Variants in BPHL observed in about 807,000 individuals in gnomAD.
BPHL encodes biphenyl hydrolase like.
BPHL carries 27 observed loss-of-function variants against 31.2 expected under a neutral mutation model. That is an observed-to-expected ratio of 0.87 (90% CI 0.64 to 1.19). BPHL has a LOEUF of 1.19. Ranked by LOEUF, BPHL falls within the 50% of genes most tolerant of loss-of-function variation. BPHL has a pLI of 0.00. For missense variants in BPHL, 356 were observed against 375.7 expected (o/e 0.95, Z 0.43); for synonymous variants, 150 against 146.8 (o/e 1.02, Z -0.16).
intron 3 of BPHL, among the ~76,000 whole-genome samples, chr6:3,128,029 C>G (rs1761766980): frequency 6.6e-6 from 1 of 152,136 alleles, no homozygotes; most frequent in South Asian, 2.1e-4. Flanking sequence ...TCGCATTAGT[C>G]CGGATGGTCT....
chr6:3,130,877 G>T (rs1761852077), intron 4 of BPHL, among the ~76,000 whole-genome samples: 1 of 152,132 alleles, frequency 6.6e-6, no homozygotes, highest in Admixed American at 6.5e-5. Context: ...CGGTGAGTCT[G>T]ATGTGGTTGC....
At chr6:3,129,779 C>T (rs1211920131) in intron 4 of BPHL, among the ~76,000 whole-genome samples, 2 of 149,034 alleles carry the variant, frequency 1.3e-5, no homozygotes, top group African/African-American at 4.9e-5. Context: ...CATGCTTTAA[C>T]GTTGTCCTTC....
chr6:3,141,615 C>T (rs975380132), intron 6 of BPHL, among the ~76,000 whole-genome samples: 1 of 152,316 alleles, frequency 6.6e-6, no homozygotes, highest in East Asian at 1.9e-4. Context: ...ATCCGCCTGC[C>T]TTGGCCTCCC....
At chr6:3,128,904 T>C (rs2113752855) in intron 3 of BPHL, 141 bp from the exon 4 acceptor site, 1 of 1,243,936 alleles carries the variant, frequency 8.0e-7, no homozygotes, top group Non-Finnish European at 1.2e-6. Flanking sequence ...TGTCATCAAA[T>C]GGTGGACTCT....
rs188417337 is a variant in BPHL, at chr6:3,142,181, C to G, written c.788+1672C>G. ...TTGCCCAAGCTGAAGTGCAATGGCG[C>G]GATCTCGGCTCACTGCAACCTCTGC... is the stretch of plus-strand genomic sequence containing the variant. On this transcript the variant is annotated intron_variant, in intron 6 of 6. Coordinates refer to ENST00000380379, the MANE Select transcript of BPHL (RefSeq NM_004332.4). 4.0e-5 allele frequency among the ~76,000 whole-genome samples: 6 copies of G among 151,736 alleles called. No individual in the cohort carries two copies. The East Asian group carries it at 1.2e-3, about 29-fold the overall frequency.
In BPHL at chr6:3,140,599, G is replaced by T. The variant is rs1270420628; in HGVS notation, c.788+90G>T. On this transcript the variant is annotated intron_variant, in intron 6 of 6. Coordinates refer to ENST00000380379, the MANE Select transcript of BPHL (RefSeq NM_004332.4). The surrounding 1 kb of genome is among the most constrained non-coding windows in gnomAD (Gnocchi z 5.2). ...GAAGGAAAATAACCAAGAGGAGTTG[G>T]AGTTTTAGAGTGCACAGCCCCCCTT... is the stretch of plus-strand genomic sequence containing the variant. The T allele has an allele frequency of 6.4e-7, 1 of 1,564,374 alleles. No homozygotes were observed. The highest frequency in any genetic ancestry group is 1.4e-5 in the African/African-American group (1 of 73,766).
intron 4 of BPHL, among the ~76,000 whole-genome samples, chr6:3,134,666 G>T (rs1205671159): frequency 6.7e-6 from 1 of 148,444 alleles, no homozygotes; most frequent in African/African-American, 2.5e-5. Context: ...GCAGTGGCGT[G>T]ATCTCGGCTC....
chr6:3,133,192 C>G (rs1761918680), intron 4 of BPHL, among the ~76,000 whole-genome samples: 1 of 152,090 alleles, frequency 6.6e-6, no homozygotes, highest in Non-Finnish European at 1.5e-5. Flanking sequence ...AGGAAACCTT[C>G]CAGACCACAT....
intron 4 of BPHL, among the ~76,000 whole-genome samples, chr6:3,130,018 G>A (rs1761830669): frequency 6.6e-6 from 1 of 152,030 alleles, no homozygotes; most frequent in South Asian, 2.1e-4. Context: ...TGTTGGTCAG[G>A]CTGGTTTCGA....
intron 6 of BPHL, among the ~76,000 whole-genome samples, chr6:3,142,998 C>G (rs61555967): frequency 0.025 from 3,790 of 152,198 alleles, 167 homozygotes; most frequent in African/African-American, 0.086. Flanking sequence ...GTGGGCAGAT[C>G]ACTTGAGGTC....
chr6:3,143,192 C>T (rs770742061), intron 6 of BPHL, among the ~76,000 whole-genome samples: 30 of 151,978 alleles, frequency 2.0e-4, no homozygotes, highest in Non-Finnish European at 3.8e-4. Flanking sequence ...CACTCCAGCC[C>T]GGGCAACAAG....
Position 3,149,849 on chromosome 6 carries a change from G to A in BPHL, c.789-2639G>A, listed in dbSNP as rs527357144. On this transcript the variant is annotated intron_variant, in intron 6 of 6. Transcript: ENST00000380379. The surrounding 1 kb of genome is among the most constrained non-coding windows in gnomAD (Gnocchi z 4.6). ...TCACCACATTGACCAGGCTGGTCTC[G>A]AACTCCTGACCTCAAGTGATCCACC... Among the ~76,000 whole-genome samples, 4 of 152,052 alleles carry A rather than the reference G, an allele frequency of 2.6e-5. No individual in the cohort carries two copies. The highest frequency in any genetic ancestry group is 5.9e-5 in the Non-Finnish European group (4 of 68,018).
intron 1 of BPHL, among the ~76,000 whole-genome samples, chr6:3,120,159 C>G (rs1761526143): frequency 6.6e-6 from 1 of 152,022 alleles, no homozygotes; most frequent in Non-Finnish European, 1.5e-5. Flanking sequence ...CTCAGCCTCC[C>G]GAGTAGCTGG....
At chr6:3,150,110 T>C (rs2113780592) in intron 6 of BPHL, 1 of 152,350 alleles carries the variant, frequency 6.6e-6, no homozygotes, top group East Asian at 1.9e-4. Flanking sequence ...TGTGCAAAGA[T>C]CCAGCGGCCT....
At chr6:3,120,296 A>G (rs1180044943) in intron 1 of BPHL, among the ~76,000 whole-genome samples, 1 of 151,988 alleles carries the variant, frequency 6.6e-6, no homozygotes, top group Non-Finnish European at 1.5e-5. Context: ...CAGCCTCCCA[A>G]AGTGCTGGGA....
At chr6:3,150,787 T>C (rs1178964270) in intron 6 of BPHL, among the ~76,000 whole-genome samples, 2 of 152,126 alleles carry the variant, frequency 1.3e-5, no homozygotes, top group Non-Finnish European at 2.9e-5. Context: ...GTGTCAGACC[T>C]AAAGGAGGCA....
intron 4 of BPHL, among the ~76,000 whole-genome samples, chr6:3,132,725 G>A (rs984711370): frequency 2.0e-5 from 3 of 152,140 alleles, no homozygotes; most frequent in Non-Finnish European, 4.4e-5. Context: ...CCAGCCATTT[G>A]GGAGGCTGAG....
rs111374880 is a variant in BPHL at position 3,134,533 on chromosome 6, A to T, written c.533-2829A>T. ...GCTCACTGCAGCCTGCTTGCTCAACATCAAACTATCCTTCTGCCTCAGCCT... is the reference window on the plus strand; with the variant it reads ...GCTCACTGCAGCCTGCTTGCTCAACTTCAAACTATCCTTCTGCCTCAGCCT... On this transcript the variant is annotated intron_variant, in intron 4 of 6. Transcript: ENST00000380379. 6.6e-3 allele frequency among the ~76,000 whole-genome samples: 963 copies of T among 145,424 alleles called. 12 individuals carry two copies. The highest frequency in any genetic ancestry group is 0.023 in the African/African-American group (893 of 39,062).
intron 6 of BPHL, among the ~76,000 whole-genome samples, chr6:3,150,660 T>A (rs1219316453): frequency 6.6e-6 from 1 of 152,232 alleles, no homozygotes; most frequent in Non-Finnish European, 1.5e-5. Flanking sequence ...ATCTTTTTGT[T>A]ACTTGGGTGA....
Sources: gnomAD v4.1 joint callset for allele counts (sites outside exome capture counted in the v4.1 genomes callset) on GRCh38, gnomAD v4.1.1 for gene constraint, Gnocchi (gnomAD v3.1) non-coding constraint, MANE v1.5 for transcripts, NCBI Gene and HGNC (gene_info 2026-07-23, HGNC 2026-07-21) for gene names.